The following ABCC2 variants were observed in gnomAD, a reference collection of about 807,000 sequenced individuals.
The protein encoded by ABCC2 is ATP binding cassette subfamily C member 2, also known as ATP-binding cassette sub-family C member 2.
Under a neutral mutation model 173.4 loss-of-function variants are expected in ABCC2, and 157 were observed. The observed-to-expected ratio is 0.91, with a 90% confidence interval of 0.80 to 1.03. ABCC2 has a LOEUF of 1.03. ABCC2 is among the 50% of genes least tolerant of loss of function. ABCC2 has a pLI of 0.00. For synonymous variants in ABCC2, 657 were observed against 693.5 expected, an observed-to-expected ratio of 0.95 and a Z score of 0.83; for missense variants, 1,822 against 1,852.3, an observed-to-expected ratio of 0.98 and a Z score of 0.30.
rs184049434 is a variant in ABCC2 at position 99,812,859 on chromosome 10, A to C, written c.1968-159A>C. Among the ~76,000 whole-genome samples the C allele has an allele frequency of 1.9e-3, 295 of 152,362 alleles. 1 individual carries two copies. Among genetic ancestry groups the C allele is most frequent in the Admixed American group, 5.2e-3 (80 of 15,306 alleles). Reference sequence around the variant, plus strand: ...TAAGAAAAGAAAAAGAAAAAGTATTAAAGAAGCACTTTGGGGTCTTGTATA... The same window carrying C: ...TAAGAAAAGAAAAAGAAAAAGTATTCAAGAAGCACTTTGGGGTCTTGTATA... On this transcript the variant is annotated intron_variant, in intron 15 of 31. Transcript: ENST00000647814.
intron 16 of ABCC2, among the ~76,000 whole-genome samples, chr10:99,814,758 CACACAT>C (rs2038367717): frequency 7.6e-6 from 1 of 131,714 alleles, no homozygotes; most frequent in African/African-American, 3.3e-5. Context: ...TGTATATACA[CACACAT>C]ATATGTGTGT....
chr10:99,841,864 G>A (rs1399514798), intron 25 of ABCC2, 103 bp from the exon 26 acceptor site: 17 of 1,548,512 alleles, frequency 1.1e-5, no homozygotes, highest in South Asian at 2.3e-5. Context: ...AGTGCGGCCC[G>A]ATCAAGTCAA....
intron 11 of ABCC2, among the ~76,000 whole-genome samples, chr10:99,806,069 C>CTG (rs1476324269): frequency 1.2e-5 from 1 of 84,590 alleles, no homozygotes; most frequent in South Asian, 4.9e-4. Context: ...CAGTCTCTCT[C>CTG]TCTCTGTCTG....
intron 6 of ABCC2, among the ~76,000 whole-genome samples, chr10:99,795,722 AGAAAGAAAGAAAGAAG>A (rs1177311171): frequency 6.5e-4 from 91 of 141,074 alleles, no homozygotes; most frequent in Non-Finnish European, 1.1e-3. Context: ...GAGAGAGAGA[AGAAAGAAAGAAAGAAG>A]GAAAGAAAGA....
intron 19 of ABCC2, among the ~76,000 whole-genome samples, chr10:99,821,816 G>A (rs941742251): frequency 2.7e-5 from 4 of 150,584 alleles, no homozygotes; most frequent in Non-Finnish European, 4.4e-5. Flanking sequence ...TTTTCTTTTC[G>A]ACAAAACCGC....
At position 99,830,344 on chromosome 10, in the gene ABCC2, G is replaced by T; in HGVS notation, c.2658G>T (p.Gly886=). The change falls in exon 20 of 32, where the codon GGG becomes GGT. Residue 886 remains glycine (G), a synonymous_variant. Coordinates refer to ENST00000647814, the MANE Select transcript of ABCC2 (RefSeq NM_000392.5). The part of the protein sequence containing the change: ...DGSEEEDDDY[G]LISSVEEIPE... ...GTGAAGAAGAAGACGATGACTATGG[G>T]CTGATATCCAGTGTGGAAGAGATCC... 6.2e-7 allele frequency: 1 copy of T among 1,614,170 alleles called. No individual in the cohort carries two copies. The highest frequency in any genetic ancestry group is 2.2e-5 in the East Asian group (1 of 44,878).
chr10:99,804,245 T>A lies in ABCC2; in HGVS notation c.1436T>A (p.Ile479Lys), dbSNP rs760891652. 2 of 1,614,044 alleles carry A rather than the reference T, an allele frequency of 1.2e-6. No homozygotes were observed. The highest frequency in any genetic ancestry group is 2.7e-5 in the African/African-American group (2 of 74,942). ...VMVLVIPINA[I>K]LSTKSKTIQV... ...GTGCTTGTAATCCCAATTAATGCGA[T>A]ACTGTCCACCAAGAGTAAGACCATT... The change falls in exon 10 of 32, where the codon ATA (isoleucine) becomes AAA (lysine). Residue 479 changes from isoleucine to lysine, a missense_variant. Physicochemically the swap from Ile to Lys is moderately radical, Grantham distance 102. Transcript: ENST00000647814.
In ABCC2 at chr10:99,844,444, T is replaced by C; in HGVS notation, c.3966T>C (p.Cys1322=). The change falls in exon 28 of 32, where the codon TGT becomes TGC. Residue 1322 remains cysteine, a synonymous_variant. Transcript: ENST00000647814. ...ELDLVLRGIT[C]DIGSMEKIGV... ...ATCTGGTCCTCAGAGGGATCACTTG[T>C]GACATCGGTAGCATGGAGAAGGTAG... The C allele has an allele frequency of 6.2e-7, 1 of 1,613,972 alleles. No homozygotes were observed.
Position 99,801,761 on chromosome 10 carries a change from A to G in ABCC2, c.1209+1198A>G, listed in dbSNP as rs1208543014. 2.6e-5 allele frequency among the ~76,000 whole-genome samples: 4 copies of G among 151,664 alleles called. No homozygotes were observed. In the East Asian group the frequency reaches 7.7e-4, roughly 29 times the overall value. ...CTTCCTTTTTTTCTTCCATCACTGG[A>G]AAGTTCCATCATAGTAACTTCTCTA... On this transcript the variant is annotated intron_variant, in intron 9 of 31. Transcript: ENST00000647814.
intron 16 of ABCC2, among the ~76,000 whole-genome samples, chr10:99,816,499 G>C (rs2038415593): frequency 6.7e-6 from 1 of 148,908 alleles, no homozygotes; most frequent in Non-Finnish European, 1.5e-5. Context: ...GGCCAGGTTG[G>C]TCACTCCCGA....
chr10:99,808,341 A>G (rs1473625707), intron 13 of ABCC2, 112 bp downstream of exon 13: 1 of 1,438,420 alleles, frequency 7.0e-7, no homozygotes, highest in East Asian at 2.3e-5. Context: ...CTTTCAAGAG[A>G]GAGATCTGTT....
At chr10:99,841,782 T>C (rs1170103348) in intron 25 of ABCC2, among the ~76,000 whole-genome samples, 185 bp from the exon 26 acceptor site, 1 of 152,208 alleles carries the variant, frequency 6.6e-6, no homozygotes, top group Non-Finnish European at 1.5e-5. Context: ...GCAATTTATT[T>C]TCTTAAAAAA....
intron 19 of ABCC2, among the ~76,000 whole-genome samples, chr10:99,825,844 G>C (rs2038629475): frequency 6.6e-6 from 1 of 152,138 alleles, no homozygotes. Context: ...TCGTGGCGGG[G>C]GACAATTGTT....
intron 19 of ABCC2, among the ~76,000 whole-genome samples, chr10:99,825,521 C>T (rs1173283399): frequency 6.6e-6 from 1 of 152,282 alleles, no homozygotes; most frequent in African/African-American, 2.4e-5. Context: ...TCCAAACCCT[C>T]CTGTTCTTTT....
At chr10:99,793,428 A>G in intron 3 of ABCC2, 123 bp from the exon 4 acceptor site, 1 of 1,416,400 alleles carries the variant, frequency 7.1e-7, no homozygotes. Context: ...CTACCTGGCC[A>G]GATTAGTCAC....
chr10:99,814,656 C>CGTGT (rs2038354484), intron 16 of ABCC2, among the ~76,000 whole-genome samples: 7 of 82,200 alleles, frequency 8.5e-5, no homozygotes, highest in African/African-American at 2.3e-4. Context: ...TATACACACA[C>CGTGT]ATATGTGTAT....
intron 25 of ABCC2, among the ~76,000 whole-genome samples, chr10:99,836,978 GA>G (rs1166102273): frequency 6.6e-6 from 1 of 152,142 alleles, no homozygotes; most frequent in Admixed American, 6.5e-5. Context: ...TCAGGAGTTT[GA>G]TTGTAAAGAT....
At position 99,831,771 on chromosome 10, in the gene ABCC2, A is replaced by G; in HGVS notation, c.3044A>G (p.Tyr1015Cys). ...SDSKIFNSTD[Y>C]PASQRDMRVG... is the part of the protein sequence containing the mutation. ...TCTAAAATCTTCAATAGCACCGACT[A>G]TCCAGCATCTCAGAGGGACATGAGA... The change falls in exon 22 of 32, where the codon TAT (tyrosine) becomes TGT (cysteine). Residue 1015 changes from tyrosine (Y) to cysteine (C), a missense_variant. Tyr to Cys is a radical substitution (Grantham distance 194, BLOSUM62 -2). Transcript: ENST00000647814. 1.2e-6 allele frequency: 2 copies of G among 1,614,220 alleles called. No individual in the cohort carries two copies. The highest frequency in any genetic ancestry group is 2.2e-5 in the East Asian group (1 of 44,894).
At chr10:99,827,980 C>T (rs2862689) in intron 19 of ABCC2, among the ~76,000 whole-genome samples, 849 of 3,348 alleles carry the variant, frequency 0.25, no homozygotes, top group Middle Eastern at 0.5. Flanking sequence ...GGTTGCCCCT[C>T]CACACCTGCC....
Sources: allele counts gnomAD v4.1 joint callset (sites outside exome capture counted in the v4.1 genomes callset), GRCh38; gene constraint gnomAD v4.1.1; transcripts MANE v1.5; gene names NCBI Gene and HGNC (gene_info 2026-07-23, HGNC 2026-07-21).